The following COL4A3 variants were observed in gnomAD, a reference collection of about 807,000 sequenced individuals.
COL4A3 encodes the protein collagen alpha-3(IV) chain.
COL4A3 carries 135 observed loss-of-function variants against 217.4 expected under a neutral mutation model. The observed-to-expected ratio is 0.62, with a 90% CI of 0.54 to 0.72. The LOEUF (loss-of-function observed/expected upper bound fraction) is 0.72. Ranked by LOEUF, COL4A3 falls within the 30% of genes least tolerant of loss-of-function variation. The probability of loss-of-function intolerance (pLI) is 0.00; values close to 1 mark genes in which losing one functional copy is unlikely to be tolerated. For synonymous variants in COL4A3, 690 were observed against 736.3 expected (o/e 0.94, Z 1.02); for missense variants, 1,868 against 2,119.9 (o/e 0.88, Z 2.33).
chr2:227,190,003 C>G (rs1009228285), intron 1 of COL4A3, among the ~76,000 whole-genome samples: 1 of 152,076 alleles, frequency 6.6e-6, no homozygotes. Flanking sequence ...GTTGCATGCT[C>G]TAACGCCATA....
intron 38 of COL4A3, 189 bp from the exon 39 acceptor site, chr2:227,294,301 C>A: frequency 1.6e-6 from 1 of 625,202 alleles, no homozygotes; most frequent in Non-Finnish European, 2.9e-6. Context: ...AGTGATTAGA[C>A]ACATCTCTGC....
At chr2:227,245,558 G>C (rs1203638337) in intron 5 of COL4A3, among the ~76,000 whole-genome samples, 2 of 152,084 alleles carry the variant, frequency 1.3e-5, no homozygotes, top group Non-Finnish European at 2.9e-5. Context: ...TATGTTACAA[G>C]CTGATAGAAT....
chr2:227,304,381 ATG>A (rs2073416872), intron 46 of COL4A3: 26 of 524,614 alleles, frequency 5.0e-5, no homozygotes, highest in East Asian at 1.0e-4. Flanking sequence ...TTAGGGCAGC[ATG>A]TTTTTTTTAT....
rs1321004566 is a variant in COL4A3 at position 227,255,745 on chromosome 2, C to T, written c.889-281C>T. Among the ~76,000 whole-genome samples, 4 of 152,054 alleles carry T rather than the reference C, an allele frequency of 2.6e-5. No homozygotes were observed. The East Asian group carries it at 7.7e-4, about 29-fold the overall frequency. ...TTTTCCCTTCCAAGTTTAGAATGAA[C>T]AGCATCAGCTCTAATTTAAGTTTGG... On this transcript the variant is annotated intron_variant, in intron 15 of 51. Coordinates refer to ENST00000396578, the MANE Select transcript of COL4A3 (RefSeq NM_000091.5).
intron 1 of COL4A3, among the ~76,000 whole-genome samples, chr2:227,223,230 AG>A (rs763825679): frequency 2.7e-4 from 41 of 152,202 alleles, no homozygotes; most frequent in Non-Finnish European, 5.0e-4. Context: ...TGGGATCTCG[AG>A]GGGAAAAGTA....
intron 1 of COL4A3, among the ~76,000 whole-genome samples, chr2:227,185,741 CTT>C (rs1410640115): frequency 6.6e-6 from 1 of 152,198 alleles, no homozygotes; most frequent in East Asian, 1.9e-4. Flanking sequence ...GGTTTTCAAA[CTT>C]CAGTGTGCAT....
At chr2:227,183,702 G>A (rs1237097362) in intron 1 of COL4A3, among the ~76,000 whole-genome samples, 1 of 152,152 alleles carries the variant, frequency 6.6e-6, no homozygotes, top group African/African-American at 2.4e-5. Context: ...ACTTTCCCCT[G>A]ACAATTATTC....
rs553689393 is a variant in COL4A3, at chr2:227,198,088, G to A, written c.87+33275G>A. Among the ~76,000 whole-genome samples the A allele has an allele frequency of 4.3e-4, 66 of 152,330 alleles. 2 individuals carry two copies. The South Asian group carries it at 0.013, about 29-fold the overall frequency. On this transcript the variant is annotated intron_variant, in intron 1 of 51. Transcript: ENST00000396578. ...CACTGTTTGACTCTTCCCTCTTAGA[G>A]AGGCCCCGCTTGCCAGCTTGTTGCT...
intron 28 of COL4A3, among the ~76,000 whole-genome samples, chr2:227,278,827 T>C (rs1381458676): frequency 6.6e-6 from 1 of 152,214 alleles, no homozygotes; most frequent in Non-Finnish European, 1.5e-5. Context: ...TCCCATGAAC[T>C]AACTGCAAAT....
In COL4A3 at chr2:227,254,112, G is replaced by A. The variant is rs2069985305; in HGVS notation, c.766G>A (p.Asp256Asn). 1.2e-6 allele frequency: 2 copies of A among 1,613,576 alleles called. No individual in the cohort carries two copies. The highest frequency in any genetic ancestry group is 2.7e-5 in the African/African-American group (2 of 74,862). Residue 256 changes from aspartate to asparagine, a missense_variant and splice_region_variant, in exon 14 of 52, where the codon GAC becomes AAC. Asp to Asn is a conservative substitution (Grantham distance 23, BLOSUM62 1). Coordinates refer to ENST00000396578, the MANE Select transcript of COL4A3 (RefSeq NM_000091.5). ...CAATGTTGAACTGTTTCTTTGGCAG[G>A]ACCTCAAGGGGGAAAAGGGAGACAA... ...VTLTGPDNRTDLKGEKGDKGA... is the reference protein window; with the variant it reads ...VTLTGPDNRTNLKGEKGDKGA...
rs56774629 is a variant in COL4A3 at position 227,261,387 on chromosome 2, C to T, written c.1150+270C>T. 8.4e-3 allele frequency among the ~76,000 whole-genome samples: 1,282 copies of T among 152,172 alleles called. 61 individuals are homozygous for T. In the East Asian group the frequency reaches 0.14, roughly 17 times the overall value. ...TAAAAATACAAAAAAATTAGCTGGG[C>T]GTGGTGGCGTACGCCTGTAATTCCA... On this transcript the variant is annotated intron_variant, in intron 20 of 51. Coordinates refer to ENST00000396578, the MANE Select transcript of COL4A3 (RefSeq NM_000091.5).
chr2:227,266,533 AT>A, intron 22 of COL4A3, 24 bp downstream of exon 22: 2 of 1,559,628 alleles, frequency 1.3e-6, no homozygotes, highest in South Asian at 1.1e-5. Flanking sequence ...ATAATGTTGT[AT>A]TAGGATAAGC....
At chr2:227,252,037 C>T (rs2069773891) in intron 11 of COL4A3, among the ~76,000 whole-genome samples, 1 of 138,516 alleles carries the variant, frequency 7.2e-6, no homozygotes, top group Non-Finnish European at 1.5e-5. Context: ...CCACTGCACT[C>T]CAGCCTGGGT....
chr2:227,302,620 C>T (rs898240610), intron 43 of COL4A3, among the ~76,000 whole-genome samples: 1 of 137,370 alleles, frequency 7.3e-6, no homozygotes, highest in African/African-American at 2.8e-5. Context: ...GAGGTTGCAG[C>T]AAGCCAAGAT....
intron 1 of COL4A3, among the ~76,000 whole-genome samples, chr2:227,168,869 T>C (rs1461119738): frequency 2.1e-5 from 3 of 146,060 alleles, no homozygotes; most frequent in Non-Finnish European, 4.4e-5. Flanking sequence ...GTATATTCTT[T>C]CCTTCTTTTT....
At chr2:227,202,705 G>A (rs138065512) in intron 1 of COL4A3, among the ~76,000 whole-genome samples, 6,028 of 141,654 alleles carry the variant, frequency 0.043, 176 homozygotes, top group Middle Eastern at 0.11. Flanking sequence ...ACTGCAGTCC[G>A]GCCTGGGAGA....
chr2:227,165,020 G>T (rs939931250), intron 1 of COL4A3, among the ~76,000 whole-genome samples: 2 of 152,186 alleles, frequency 1.3e-5, no homozygotes, highest in South Asian at 4.1e-4. Context: ...AATGCGCGGG[G>T]CTGGGGGAAG....
chr2:227,295,423 T>C, intron 41 of COL4A3, 107 bp downstream of exon 41: 2 of 947,988 alleles, frequency 2.1e-6, no homozygotes, highest in South Asian at 1.3e-5. Flanking sequence ...TTAAAGATGT[T>C]CCAATAGTAA....
At chr2:227,254,218 G>A in intron 14 of COL4A3, 44 bp downstream of exon 14, 4 of 1,518,762 alleles carry the variant, frequency 2.6e-6, no homozygotes, top group Non-Finnish European at 2.7e-6. Context: ...ACATAAAGTA[G>A]AGCCTTAGTA....
Sources: allele counts gnomAD v4.1 joint callset (sites outside exome capture counted in the v4.1 genomes callset), GRCh38; gene constraint gnomAD v4.1.1; transcripts MANE v1.5; gene names NCBI Gene and HGNC (gene_info 2026-07-23, HGNC 2026-07-21).